The following FBXO5 variants were observed in gnomAD, a reference collection of about 807,000 sequenced individuals.
FBXO5 encodes the protein F-box protein 5.
FBXO5 carries 8 observed loss-of-function variants against 43.3 expected under a neutral mutation model. The observed-to-expected ratio is 0.18, with a 90% CI of 0.11 to 0.33. The LOEUF (loss-of-function observed/expected upper bound fraction) is 0.33, where lower values mean the gene tolerates loss of function less well. Ranked by LOEUF, FBXO5 falls within the 10% of genes least tolerant of loss-of-function variation. FBXO5 has a pLI of 1.00. For synonymous variants in FBXO5, 204 were observed against 193.7 expected (o/e 1.05, Z -0.44); for missense variants, 491 against 535.7 (o/e 0.92, Z 0.82).
At chr6:152,975,821 A>G (rs1212510170) in intron 1 of FBXO5, among the ~76,000 whole-genome samples, 200 bp from the exon 2 acceptor site, 3 of 152,240 alleles carry the variant, frequency 2.0e-5, no homozygotes, top group African/African-American at 4.8e-5. Context: ...CTTAAATCTT[A>G]TAAGTACATA....
intron 1 of FBXO5, among the ~76,000 whole-genome samples, chr6:152,979,697 T>C (rs1337187373): frequency 6.6e-6 from 1 of 152,248 alleles, no homozygotes; most frequent in East Asian, 1.9e-4. Flanking sequence ...CTTTGGGTTA[T>C]AATCCAATAC....
Position 152,971,201 on chromosome 6 carries a change from C to T in FBXO5, c.1306G>A (p.Gly436Ser), listed in dbSNP as rs1262836073. The T allele has an allele frequency of 1.2e-6, 2 of 1,611,958 alleles. No individual in the cohort carries two copies. The highest frequency in any genetic ancestry group is 2.2e-5 in the East Asian group (1 of 44,790). The change falls in exon 5 of 5, where the codon GGT (glycine) becomes AGT (serine). Residue 436 changes from glycine to serine, a missense_variant. Gly to Ser is a moderately conservative substitution (Grantham distance 56). Transcript: ENST00000229758. The stretch of plus-strand genomic sequence containing the variant: ...AAATTCTTTTTGCTTTTCTTTGTAC[C>T]AGGCAGGGGACCTATTTTACAACTG... ...KASCKIGPLP[G>S]TKKSKKNLRR... is the part of the protein sequence containing the mutation.
At chr6:152,981,877 T>C (rs1778265908) in intron 1 of FBXO5, among the ~76,000 whole-genome samples, 1 of 152,162 alleles carries the variant, frequency 6.6e-6, no homozygotes, top group African/African-American at 2.4e-5. Flanking sequence ...AATAAGTGCA[T>C]ATAGATTTTA....
At chr6:152,975,799 G>T (rs1778161445) in intron 1 of FBXO5, among the ~76,000 whole-genome samples, 178 bp from the exon 2 acceptor site, 1 of 152,176 alleles carries the variant, frequency 6.6e-6, no homozygotes, top group Non-Finnish European at 1.5e-5. Context: ...ACAATAATAT[G>T]TGAAAATATT....
At chr6:152,983,280 C>A, upstream of FBXO5, 1 of 272,292 alleles carries the variant, frequency 3.7e-6, no homozygotes, top group East Asian at 6.4e-5. Flanking sequence ...GCGGGACCTC[C>A]GAGCACGGGG....
In FBXO5 at chr6:152,970,942, AT is replaced by A; in HGVS notation, c.*220del. 2.5e-6 allele frequency: 1 copy of A among 394,744 alleles called. No homozygotes were observed. Among genetic ancestry groups the A allele is most frequent in the Non-Finnish European group, 4.4e-6 (1 of 226,060 alleles). The allele number at this position is 394,744 out of a possible 1,614,324, so 24.5% of individuals were successfully genotyped here. ...TTTCCTTTTTTCTTAAAATATTTAA[AT>A]TGTTTGATTTGTATTGAGAATTTTA... On this transcript the variant is annotated 3_prime_UTR_variant, in exon 5 of 5. Coordinates refer to ENST00000229758, the MANE Select transcript of FBXO5 (RefSeq NM_012177.5).
At chr6:152,974,293 T>C (rs1490238160) in intron 2 of FBXO5, among the ~76,000 whole-genome samples, 1 of 152,002 alleles carries the variant, frequency 6.6e-6, no homozygotes, top group Non-Finnish European at 1.5e-5. Flanking sequence ...GCACCAAAAA[T>C]GGCTTAGAAA....
At position 152,975,174 on chromosome 6, in the gene FBXO5, T is replaced by C; in HGVS notation, c.551A>G (p.Asp184Gly). ...QSCLLQIQSP[D>G]QYPNKNLLPV... ...CAGCAAGTTTTTGTTGGGATATTGG[T>C]CTGGGCTTTGTATTTGTAGCAGGCA... Residue 184 changes from aspartate to glycine, a missense_variant, in exon 2 of 5, where the codon GAC (aspartate) becomes GGC (glycine). By Grantham distance (94) the Asp-to-Gly change is moderately conservative. Transcript: ENST00000229758. 6.2e-7 allele frequency: 1 copy of C among 1,614,208 alleles called. No individual in the cohort carries two copies. Among genetic ancestry groups the C allele is most frequent in the Non-Finnish European group, 8.5e-7 (1 of 1,180,036 alleles).
At position 152,971,117 on chromosome 6, in the gene FBXO5, T is replaced by C. The variant is rs1344627705; in HGVS notation, c.*46A>G. Reference sequence around the variant, plus strand: ...TTTTTTTTAAGTTAAAACCTAACATTTTCTAACTAACATTCATGATCAGTA... The same window carrying C: ...TTTTTTTTAAGTTAAAACCTAACATCTTCTAACTAACATTCATGATCAGTA... On this transcript the variant is annotated 3_prime_UTR_variant, in exon 5 of 5. Transcript: ENST00000229758. 2 of 1,529,996 alleles carry C rather than the reference T, an allele frequency of 1.3e-6. No homozygotes were observed. Among genetic ancestry groups the C allele is most frequent in the East Asian group, 4.6e-5 (2 of 43,888 alleles). The allele number at this position is 1,529,996 out of a possible 1,614,324, so 94.8% of individuals were successfully genotyped here.
At chr6:152,972,502 T>C in intron 3 of FBXO5, 48 bp from the exon 4 acceptor site, 1 of 1,293,570 alleles carries the variant, frequency 7.7e-7, no homozygotes. Flanking sequence ...ATTTCCTGTA[T>C]CCTCAATGAG....
chr6:152,977,855 T>A (rs1248038144), intron 1 of FBXO5, among the ~76,000 whole-genome samples: 1 of 152,136 alleles, frequency 6.6e-6, no homozygotes, highest in Admixed American at 6.5e-5. Context: ...TACTGGGGGG[T>A]TGTCCTATAG....
chr6:152,977,036 A>G (rs1432903044), intron 1 of FBXO5, among the ~76,000 whole-genome samples: 2 of 152,128 alleles, frequency 1.3e-5, no homozygotes, highest in East Asian at 1.9e-4. Context: ...GAGAACCACA[A>G]CTCTAAAAAA....
intron 1 of FBXO5, among the ~76,000 whole-genome samples, chr6:152,980,977 C>A (rs1410980953): frequency 6.6e-6 from 1 of 152,176 alleles, no homozygotes; most frequent in Non-Finnish European, 1.5e-5. Context: ...TAAGCCAAAT[C>A]CCTTCATATT....
At chr6:152,974,840 G>C in intron 2 of FBXO5, 67 bp downstream of exon 2, 1 of 1,230,748 alleles carries the variant, frequency 8.1e-7, no homozygotes, top group Non-Finnish European at 1.1e-6. Context: ...ATGAGCTGGT[G>C]GTACTGAGCC....
At chr6:152,972,716 A>G (rs1778105420) in intron 3 of FBXO5, 1 of 475,482 alleles carries the variant, frequency 2.1e-6, no homozygotes, top group South Asian at 3.5e-5. Flanking sequence ...TAATACCTAA[A>G]AAGTAAAACA....
At chr6:152,975,700 G>T in intron 1 of FBXO5, 79 bp from the exon 2 acceptor site, 1 of 882,044 alleles carries the variant, frequency 1.1e-6, no homozygotes, top group East Asian at 2.5e-5. Context: ...GATATACAAA[G>T]ATTACTTTGC....
At position 152,978,377 on chromosome 6, in the gene FBXO5, T is replaced by TTTGGGG. The variant is rs1491205604; in HGVS notation, c.104-2757_104-2756insCCCCAA. 1.9e-4 allele frequency among the ~76,000 whole-genome samples: 4 copies of TTTGGGG among 21,126 alleles called. 2 individuals are homozygous for TTTGGGG. Among genetic ancestry groups the TTTGGGG allele is most frequent in the African/African-American group, 4.0e-4 (2 of 4,982 alleles). 13.9% of individuals were successfully genotyped at this position (21,126 alleles called of 152,430 possible). ...ATTAATCATGGAGAGCTTCATTTTT[T>TTTGGGG]GGGGGGGGGGGGGGGGCGGGGGACT... On this transcript the variant is annotated intron_variant, in intron 1 of 4. Transcript: ENST00000229758.
chr6:152,975,203 T>C lies in FBXO5; in HGVS notation c.522A>G (p.Gln174=), dbSNP rs374412562. 2.0e-5 allele frequency: 32 copies of C among 1,614,202 alleles called. No homozygotes were observed. The Admixed American group carries it at 3.3e-4, about 17-fold the overall frequency. The change falls in exon 2 of 5, where the codon CAA becomes CAG. Residue 174 remains glutamine (Q), a synonymous_variant. Coordinates refer to ENST00000229758, the MANE Select transcript of FBXO5 (RefSeq NM_012177.5). ...LLEENFGDSL[Q]SCLLQIQSPD... is the part of the protein sequence containing the mutation. ...GGCTTTGTATTTGTAGCAGGCAGGA[T>C]TGTAGACTGTCACCGAAATTCTCCT... is the stretch of plus-strand genomic sequence containing the variant.
intron 2 of FBXO5, among the ~76,000 whole-genome samples, chr6:152,974,574 C>T (rs1020472848): frequency 7.2e-5 from 11 of 152,100 alleles, no homozygotes; most frequent in Non-Finnish European, 1.2e-4. Context: ...AAGTCATTAC[C>T]GCAATTAAAC....
Sources: allele counts gnomAD v4.1 joint callset (sites outside exome capture counted in the v4.1 genomes callset), GRCh38; gene constraint gnomAD v4.1.1; transcripts MANE v1.5; gene names NCBI Gene and HGNC (gene_info 2026-07-23, HGNC 2026-07-21).